SKIC3: variants seen among roughly 807,000 people sequenced by gnomAD.
The protein encoded by SKIC3 is superkiller complex protein 3.
At chr5:95,525,811 A>T in the SKIC3 span, 2 of 778,734 alleles carry the variant, frequency 2.6e-6, no homozygotes, top group Non-Finnish European at 4.3e-6. Flanking sequence ...TCTATCACTA[A>T]TAACACATCT....
chr5:95,523,565 G>A, the SKIC3 span: 1 of 1,437,266 alleles, frequency 7.0e-7, no homozygotes, highest in South Asian at 1.3e-5. Flanking sequence ...AAAAACTAAT[G>A]ATAACTTTCA....
chr5:95,469,888 C>T, the SKIC3 span: 2 of 1,613,960 alleles, frequency 1.2e-6, no homozygotes, highest in Non-Finnish European at 1.7e-6. Flanking sequence ...CAAAGATGGC[C>T]AGTGATCATT....
At chr5:95,497,611 C>A in the SKIC3 span, 9 of 705,952 alleles carry the variant, frequency 1.3e-5, no homozygotes, top group African/African-American at 7.2e-5. Context: ...ATATTAATTG[C>A]GCATGTTTGG....
At chr5:95,551,796 C>T in the SKIC3 span, among the ~76,000 whole-genome samples, 3 of 152,204 alleles carry the variant, frequency 2.0e-5, no homozygotes, top group African/African-American at 7.2e-5. Context: ...GACTTCATTA[C>T]TCAAAGCCCA....
the SKIC3 span, among the ~76,000 whole-genome samples, chr5:95,551,508 C>T: frequency 6.6e-6 from 1 of 152,058 alleles, no homozygotes; most frequent in Non-Finnish European, 1.5e-5. Context: ...TATGGTAATC[C>T]AAACAATGTT....
chr5:95,472,430 G>C, the SKIC3 span, among the ~76,000 whole-genome samples: 1 of 152,220 alleles, frequency 6.6e-6, no homozygotes, highest in South Asian at 2.1e-4. Flanking sequence ...GAAACAGTTA[G>C]ATACCTGTTT....
At chr5:95,519,261 T>C in the SKIC3 span, among the ~76,000 whole-genome samples, 726 of 152,130 alleles carry the variant, frequency 4.8e-3, 3 homozygotes, top group African/African-American at 0.016. Context: ...ATTTTTCTCT[T>C]CTCGAGATCT....
the SKIC3 span, chr5:95,517,067 GA>G: frequency 6.2e-7 from 1 of 1,613,396 alleles, no homozygotes; most frequent in East Asian, 2.2e-5. Context: ...ACACCTACGG[GA>G]ATATAAAAGT....
At chr5:95,486,465 T>C in the SKIC3 span, among the ~76,000 whole-genome samples, 2 of 152,148 alleles carry the variant, frequency 1.3e-5, no homozygotes, top group East Asian at 3.9e-4. Flanking sequence ...CCCTACCTAG[T>C]AGCAGGGTCA....
the SKIC3 span, chr5:95,525,614 G>A: frequency 1.2e-6 from 2 of 1,614,034 alleles, no homozygotes; most frequent in African/African-American, 1.3e-5. Flanking sequence ...ATGAACCTTT[G>A]TTCCGATAGG....
At chr5:95,540,877 T>C in the SKIC3 span, 1 of 1,596,086 alleles carries the variant, frequency 6.3e-7, no homozygotes, top group Non-Finnish European at 8.6e-7. Context: ...AATGTAAAAA[T>C]GCCAATAAAA....
chr5:95,485,197 T>C, the SKIC3 span, among the ~76,000 whole-genome samples: 1 of 152,230 alleles, frequency 6.6e-6, no homozygotes, highest in Admixed American at 6.5e-5. Context: ...TGTATATCAG[T>C]GAACCATCAC....
the SKIC3 span, among the ~76,000 whole-genome samples, chr5:95,465,002 A>G: frequency 7.2e-6 from 1 of 138,930 alleles, no homozygotes; most frequent in African/African-American, 2.8e-5. Context: ...TTGGTGGCTC[A>G]CTGCAACCTC....
At chr5:95,512,393 T>G in the SKIC3 span, 3 of 1,474,222 alleles carry the variant, frequency 2.0e-6, no homozygotes, top group Admixed American at 1.8e-5. Flanking sequence ...CAATATTTAA[T>G]TTGACATGAA....
chr5:95,472,486 T>C, the SKIC3 span, among the ~76,000 whole-genome samples: 1 of 152,170 alleles, frequency 6.6e-6, no homozygotes, highest in Admixed American at 6.5e-5. Flanking sequence ...GGACACAGAT[T>C]GAAGCCTCCC....
the SKIC3 span, among the ~76,000 whole-genome samples, chr5:95,537,822 T>C: frequency 6.6e-6 from 1 of 152,150 alleles, no homozygotes. Flanking sequence ...AAATGAATAC[T>C]CATGACTTAA....
the SKIC3 span, chr5:95,515,199 C>T: frequency 2.6e-6 from 1 of 382,748 alleles, no homozygotes; most frequent in South Asian, 2.3e-5. Context: ...TTTTAACCAA[C>T]CAATCATCCA....
the SKIC3 span, chr5:95,528,262 C>T: frequency 7.6e-7 from 1 of 1,319,794 alleles, no homozygotes; most frequent in South Asian, 1.2e-5. Flanking sequence ...CATAAATTTC[C>T]AAAACAATAT....
At chr5:95,507,845 C>T in the SKIC3 span, among the ~76,000 whole-genome samples, 3 of 151,984 alleles carry the variant, frequency 2.0e-5, no homozygotes, top group Admixed American at 2.0e-4. Context: ...GGTACATACA[C>T]CCAAGTGACT....
Sources: gnomAD v4.1 joint callset for allele counts (sites outside exome capture counted in the v4.1 genomes callset) on GRCh38, gnomAD v4.1.1 for gene constraint, MANE v1.5 for transcripts, NCBI Gene and HGNC (gene_info 2026-07-23, HGNC 2026-07-21) for gene names.